Variants in CACNG7 observed in about 807,000 individuals in gnomAD.
CACNG7 encodes the protein voltage-dependent calcium channel gamma-7 subunit.
A neutral mutation model predicts 26.3 loss-of-function variants in CACNG7; 9 were observed. The observed-to-expected ratio is 0.34, with a 90% CI of 0.21 to 0.60. CACNG7 has a LOEUF of 0.60. Ranked by LOEUF, CACNG7 falls within the 20% of genes least tolerant of loss-of-function variation. The pLI is 0.81. For missense variants in CACNG7, 297 were observed against 380.4 expected (o/e 0.78, Z 1.82); for synonymous variants, 170 against 157.0 (o/e 1.08, Z -0.62).
chr19:53,912,853 G>T lies in CACNG7; in HGVS notation c.22G>T (p.Ala8Ser), dbSNP rs1310679798. 8 of 1,613,166 alleles carry T rather than the reference G, an allele frequency of 5.0e-6. No individual in the cohort carries two copies. Among genetic ancestry groups the T allele is most frequent in the Non-Finnish European group, 6.8e-6 (8 of 1,179,994 alleles). Residue 8 changes from alanine (A) to serine (S), a missense_variant, in exon 2 of 6, where the codon GCC becomes TCC. Coordinates refer to ENST00000391767, the MANE Select transcript of CACNG7 (RefSeq NM_031896.5). The surrounding 1 kb of genome is among the most constrained non-coding windows in gnomAD (Gnocchi z 4.6). ...GAGGATGAGTCACTGCAGCAGCCGCGCCCTGACCCTGCTGAGCAGCGTGTT... is the reference window on the plus strand; with the variant it reads ...GAGGATGAGTCACTGCAGCAGCCGCTCCCTGACCCTGCTGAGCAGCGTGTT... MSHCSSR[A>S]LTLLSSVFGA...
intron 4 of CACNG7, among the ~76,000 whole-genome samples, chr19:53,924,907 A>T (rs2069012140): frequency 7.6e-6 from 1 of 131,742 alleles, no homozygotes; most frequent in Non-Finnish European, 1.6e-5. Context: ...AGGTCTGGTC[A>T]TTGGTGGAGT....
rs2069146619 is a variant in CACNG7, at chr19:53,942,647, C to CAGCTCCCCAG, written c.*364_*373dup. On this transcript the variant is annotated 3_prime_UTR_variant, in exon 6 of 6. Transcript: ENST00000391767. This position sits in a 1 kb window ranked among gnomAD's most constrained non-coding sequence, Gnocchi z 5.9. ...AGCAGCCAGAGGCGGTGCAAGCGCC[C>CAGCTCCCCAG]AGCTCCCCAGAGCTCCCCAACCTCG... 1 of 1,041,518 alleles carries CAGCTCCCCAG rather than the reference C, an allele frequency of 9.6e-7. No homozygotes were observed. Among genetic ancestry groups the CAGCTCCCCAG allele is most frequent in the Non-Finnish European group, 1.2e-6 (1 of 837,398 alleles). 64.5% of individuals were successfully genotyped at this position (1,041,518 alleles called of 1,614,324 possible). A position where few individuals can be genotyped will look rare whatever the true frequency, so the allele number is the denominator to read the frequency against.
chr19:53,928,391 C>A (rs549098641), intron 4 of CACNG7, among the ~76,000 whole-genome samples: 2 of 152,210 alleles, frequency 1.3e-5, no homozygotes, highest in African/African-American at 4.8e-5. Flanking sequence ...CATGCCTCAG[C>A]CTCCTGAGTA....
At chr19:53,925,373 C>CAT (rs2069019552) in intron 4 of CACNG7, among the ~76,000 whole-genome samples, 1 of 151,352 alleles carries the variant, frequency 6.6e-6, no homozygotes. Flanking sequence ...GTGGAGTTGC[C>CAT]CCAGGTCTGG....
At chr19:53,925,640 C>G (rs1568778779) in intron 4 of CACNG7, among the ~76,000 whole-genome samples, 1 of 150,518 alleles carries the variant, frequency 6.6e-6, no homozygotes. Context: ...AGTTGGCATT[C>G]AATTGTGGAG....
chr19:53,924,659 G>GAGGTCTGGTATTGGTGGAGTTGCCCC (rs1568777755), intron 4 of CACNG7, among the ~76,000 whole-genome samples: 1 of 136,898 alleles, frequency 7.3e-6, no homozygotes, highest in Non-Finnish European at 1.6e-5. Context: ...GGAGTTGTCC[G>GAGGTCTGGTATTGGTGGAGTTGCCCC]AGGTCTGGTA....
Position 53,942,417 on chromosome 19 carries a change from C to G in CACNG7, c.*124C>G. On this transcript the variant is annotated 3_prime_UTR_variant, in exon 6 of 6. Transcript: ENST00000391767. This position sits in a 1 kb window ranked among gnomAD's most constrained non-coding sequence, Gnocchi z 5.9. Reference sequence around the variant, plus strand: ...TCCCACCCGGAGGAGGCTGCGCCAGCTTTAGGCCCCGCCCTCCTCCCAATG... The same window carrying G: ...TCCCACCCGGAGGAGGCTGCGCCAGGTTTAGGCCCCGCCCTCCTCCCAATG... The G allele has an allele frequency of 6.7e-7, 1 of 1,501,610 alleles. No individual in the cohort carries two copies. The highest frequency in any genetic ancestry group is 8.8e-7 in the Non-Finnish European group (1 of 1,130,560). The allele number at this position is 1,501,610 out of a possible 1,614,324, so 93.0% of individuals were successfully genotyped here. A position where few individuals can be genotyped will look rare whatever the true frequency, so the allele number is the denominator to read the frequency against.
intron 4 of CACNG7, among the ~76,000 whole-genome samples, chr19:53,920,972 G>GC (rs1555810472): frequency 2.4e-5 from 2 of 84,060 alleles, no homozygotes; most frequent in African/African-American, 6.8e-5. Context: ...CTTGCCCCAG[G>GC]CTGGTCATTG....
intron 4 of CACNG7, among the ~76,000 whole-genome samples, chr19:53,925,764 C>G (rs1209436484): frequency 6.6e-6 from 1 of 152,190 alleles, no homozygotes; most frequent in African/African-American, 2.4e-5. Flanking sequence ...AATGTACAAA[C>G]TGAGGATGCT....
chr19:53,921,736 G>C (rs2068956189), intron 4 of CACNG7, among the ~76,000 whole-genome samples: 1 of 107,208 alleles, frequency 9.3e-6, no homozygotes. Flanking sequence ...GTCATTGGTG[G>C]AGTTGCCCCA....
intron 4 of CACNG7, among the ~76,000 whole-genome samples, chr19:53,916,648 C>A (rs1490656612): frequency 2.0e-5 from 3 of 149,860 alleles, no homozygotes; most frequent in Non-Finnish European, 3.0e-5. Flanking sequence ...GCCACTACGC[C>A]CGGCTAATTT....
intron 4 of CACNG7, among the ~76,000 whole-genome samples, chr19:53,926,646 C>A (rs2069032920): frequency 6.6e-6 from 1 of 152,154 alleles, no homozygotes; most frequent in African/African-American, 2.4e-5. Context: ...GGTGCGGTGG[C>A]TCATGCCTGT....
intron 4 of CACNG7, among the ~76,000 whole-genome samples, chr19:53,923,441 T>G (rs2068984182): frequency 1.7e-5 from 2 of 120,092 alleles, no homozygotes; most frequent in Non-Finnish European, 1.7e-5. Context: ...GGTGGAGTTG[T>G]CCCCAGGCCT....
At position 53,929,122 on chromosome 19, in the gene CACNG7, C is replaced by CAAAA. The variant is rs1297562260; in HGVS notation, c.425-12335_425-12332dup. Among the ~76,000 whole-genome samples, 202 of 50,514 alleles carry CAAAA rather than the reference C, an allele frequency of 4.0e-3. 2 individuals carry two copies. The highest frequency in any genetic ancestry group is 0.012 in the African/African-American group (194 of 16,544). 33.1% of individuals were successfully genotyped at this position (50,514 alleles called of 152,430 possible). A position where few individuals can be genotyped will look rare whatever the true frequency, so the allele number is the denominator to read the frequency against. On this transcript the variant is annotated intron_variant, in intron 4 of 5. Transcript: ENST00000391767. The stretch of plus-strand genomic sequence containing the variant: ...GTGAGACTCCACCTCAAAAAAAAAA[C>CAAAA]AAAAAAAAAAAAAAAAGAGAGAATA...
intron 4 of CACNG7, among the ~76,000 whole-genome samples, chr19:53,916,689 G>A (rs1004965963): frequency 2.2e-4 from 33 of 149,300 alleles, no homozygotes; most frequent in Non-Finnish European, 3.3e-4. Context: ...TAATAGAGAC[G>A]GGGTTTCTTC....
chr19:53,942,323 C>T lies in CACNG7; in HGVS notation c.*30C>T. 1.3e-6 allele frequency: 2 copies of T among 1,531,112 alleles called. No homozygotes were observed. The highest frequency in any genetic ancestry group is 2.3e-5 in the South Asian group (2 of 86,484). 94.8% of individuals were successfully genotyped at this position (1,531,112 alleles called of 1,614,324 possible). On this transcript the variant is annotated 3_prime_UTR_variant, in exon 6 of 6. Transcript: ENST00000391767. The surrounding 1 kb of genome is among the most constrained non-coding windows in gnomAD (Gnocchi z 5.9). ...CGCCCCTCGGAGCTCCCCCTGCCTC[C>T]TCCTCCTCCTCGTCTTAGGGGGGTC...
chr19:53,928,200 C>T (rs1422122484), intron 4 of CACNG7, among the ~76,000 whole-genome samples: 2 of 152,096 alleles, frequency 1.3e-5, no homozygotes, highest in African/African-American at 4.8e-5. Context: ...ATCTCTTCCT[C>T]GGTGGAAATA....
intron 1 of CACNG7, among the ~76,000 whole-genome samples, chr19:53,911,209 G>A (rs529412231): frequency 1.3e-5 from 2 of 152,094 alleles, no homozygotes; most frequent in East Asian, 3.9e-4. Flanking sequence ...GGGATTATAG[G>A]TGTGAGCCAC....
At position 53,942,309 on chromosome 19, in the gene CACNG7, G is replaced by A. The variant is rs766155799; in HGVS notation, c.*16G>A. 1.3e-6 allele frequency: 2 copies of A among 1,593,800 alleles called. No homozygotes were observed. The highest frequency in any genetic ancestry group is 1.4e-5 in the African/African-American group (1 of 72,848). ...GCCCTGCTGAGGCCCGCCCCTCGGA[G>A]CTCCCCCTGCCTCCTCCTCCTCCTC... On this transcript the variant is annotated 3_prime_UTR_variant, in exon 6 of 6. Transcript: ENST00000391767. This position sits in a 1 kb window ranked among gnomAD's most constrained non-coding sequence, Gnocchi z 5.9.
Sources: allele counts gnomAD v4.1 joint callset (sites outside exome capture counted in the v4.1 genomes callset), GRCh38; gene constraint gnomAD v4.1.1; non-coding constraint Gnocchi (gnomAD v3.1); transcripts MANE v1.5; gene names NCBI Gene and HGNC (gene_info 2026-07-23, HGNC 2026-07-21).